HYDIN: variants seen among roughly 807,000 people sequenced by gnomAD.
HYDIN encodes axonemal central pair apparatus protein HYDIN.
HYDIN carries 132 observed loss-of-function variants against 403.9 expected under a neutral mutation model. That is an observed-to-expected ratio of 0.33 (90% CI 0.28 to 0.38). HYDIN has a LOEUF of 0.38. HYDIN is among the 10% of genes least tolerant of loss of function. The pLI is 1.00. For missense variants in HYDIN, 2,827 were observed against 5,009.5 expected, an observed-to-expected ratio of 0.56 and a Z score of 13.15; for synonymous variants, 1,202 against 1,891.7, an observed-to-expected ratio of 0.64 and a Z score of 9.46.
At chr16:70,882,991 A>G (rs2040904638) in intron 59 of HYDIN, 96 bp from the exon 60 acceptor site, 1 of 989,446 alleles carries the variant, frequency 1.0e-6, no homozygotes, top group Admixed American at 1.8e-5. Flanking sequence ...ACAAAGGAGA[A>G]TTGTGGAGGA....
intron 18 of HYDIN, among the ~76,000 whole-genome samples, chr16:71,055,852 C>G (rs2144251279): frequency 6.6e-6 from 1 of 151,934 alleles, no homozygotes; most frequent in Admixed American, 6.6e-5. Context: ...GAGCCAAGAG[C>G]AAAAAGAAAA....
At chr16:71,026,776 A>C (rs1317076200) in intron 20 of HYDIN, among the ~76,000 whole-genome samples, 4 of 152,248 alleles carry the variant, frequency 2.6e-5, no homozygotes, top group African/African-American at 7.2e-5. Context: ...GTGACCTTAG[A>C]GAAGCTAAGC....
At chr16:70,847,347 C>T (rs968782416) in intron 75 of HYDIN, among the ~76,000 whole-genome samples, 3 of 152,310 alleles carry the variant, frequency 2.0e-5, no homozygotes, top group East Asian at 1.9e-4. Context: ...TACATTTATA[C>T]TGATTTTATA....
Position 70,908,442 on chromosome 16 carries a change from T to C in HYDIN, c.8214-8A>G. ...CACCGGAAGTGATTCAGTCTGCAAA[T>C]GACCACACAGGTTTATAAAGTGAGA... On this transcript the variant is annotated splice_region_variant and splice_polypyrimidine_tract_variant and intron_variant, in intron 48 of 85. Coordinates refer to ENST00000393567, the MANE Select transcript of HYDIN (RefSeq NM_001270974.2). 6.9e-6 allele frequency: 7 copies of C among 1,019,644 alleles called. No homozygotes were observed. The highest frequency in any genetic ancestry group is 4.3e-6 in the Non-Finnish European group (3 of 703,898). 63.2% of individuals were successfully genotyped at this position (1,019,644 alleles called of 1,614,324 possible).
At chr16:70,848,109 T>A (rs8063451) in intron 75 of HYDIN, among the ~76,000 whole-genome samples, 1 of 142,852 alleles carries the variant, frequency 7.0e-6, no homozygotes, top group African/African-American at 2.6e-5. Context: ...AAATCTGCTA[T>A]TGAGCCCCTG....
At chr16:71,186,658 G>T in intron 2 of HYDIN, 103 bp downstream of exon 2, 1 of 859,464 alleles carries the variant, frequency 1.2e-6, no homozygotes, top group Non-Finnish European at 1.8e-6. Flanking sequence ...ATATTAATCA[G>T]TCAGTAATTC....
intron 19 of HYDIN, among the ~76,000 whole-genome samples, chr16:71,028,235 G>A (rs970499723): frequency 1.3e-5 from 2 of 152,032 alleles, no homozygotes; most frequent in African/African-American, 2.4e-5. Flanking sequence ...TTCAAGCTGT[G>A]CTGAGAAAAT....
chr16:70,830,390 G>C (rs2036895409), intron 80 of HYDIN, among the ~76,000 whole-genome samples: 2 of 143,190 alleles, frequency 1.4e-5, no homozygotes, highest in African/African-American at 5.5e-5. Context: ...TGAAGTGAGT[G>C]AGGGGGAGAT....
intron 10 of HYDIN, among the ~76,000 whole-genome samples, chr16:71,114,336 ATTC>A (rs1389775847): frequency 2.7e-5 from 4 of 147,628 alleles, no homozygotes; most frequent in East Asian, 2.1e-4. Flanking sequence ...CATTATTTTG[ATTC>A]TTGACTCATT....
At position 70,991,296 on chromosome 16, in the gene HYDIN, C is replaced by T. The variant is rs758062955; in HGVS notation, c.3864+22G>A. 3.1e-6 allele frequency: 5 copies of T among 1,613,656 alleles called. 1 individual carries two copies. In the South Asian group the frequency reaches 5.5e-5, roughly 18 times the overall value. On this transcript the variant is annotated intron_variant, in intron 25 of 85. Transcript: ENST00000393567. ...GAAGGACCCTTGACCTGCCTACCCT[C>T]CCCATGGAAAGGACACCGTACATCT...
intron 5 of HYDIN, among the ~76,000 whole-genome samples, chr16:71,169,982 G>T (rs2086397546): frequency 6.6e-6 from 1 of 152,170 alleles, no homozygotes; most frequent in African/African-American, 2.4e-5. Context: ...TTTAAATTGT[G>T]GTTCTCTTAC....
rs558772415 is a variant in HYDIN, at chr16:71,093,674, G to A, written c.1446+143C>T. 7.0e-3 allele frequency: 3,811 copies of A among 541,120 alleles called. 24 individuals carry two copies. Among genetic ancestry groups the A allele is most frequent in the Non-Finnish European group, 8.2e-3 (2,786 of 340,160 alleles). 33.5% of individuals were successfully genotyped at this position (541,120 alleles called of 1,614,324 possible). A position where few individuals can be genotyped will look rare whatever the true frequency, so the allele number is the denominator to read the frequency against. The stretch of plus-strand genomic sequence containing the variant: ...CCAGGCAGGAGGAGGAAGAATCTGA[G>A]CACTCCAGGGTCTCAACAAGGATGA... On this transcript the variant is annotated intron_variant, in intron 11 of 85. Transcript: ENST00000393567.
chr16:70,970,560 T>C lies in HYDIN; in HGVS notation c.5579A>G (p.Tyr1860Cys), dbSNP rs760162454. The change falls in exon 36 of 86, where the codon TAT (tyrosine) becomes TGT (cysteine). Residue 1860 changes from tyrosine to cysteine, a missense_variant. Transcript: ENST00000393567. ...ATACTGCTGATCAAATTCTAAGGAATAAAACTCAATGGGGAAGTTGCAGGG... is the reference window on the plus strand; with the variant it reads ...ATACTGCTGATCAAATTCTAAGGAACAAAACTCAATGGGGAAGTTGCAGGG... Reference protein sequence around the residue: ...KNPCNFPIEFYSLEFDQQYLI... With the variant: ...KNPCNFPIEFCSLEFDQQYLI... The C allele has an allele frequency of 2.9e-6, 4 of 1,356,754 alleles. No homozygotes were observed. Among genetic ancestry groups the C allele is most frequent in the Admixed American group, 1.8e-5 (1 of 54,472 alleles). The allele number at this position is 1,356,754 out of a possible 1,614,324, so 84.0% of individuals were successfully genotyped here. A position where few individuals can be genotyped will look rare whatever the true frequency, so the allele number is the denominator to read the frequency against.
rs367747312 is a variant in HYDIN at position 70,964,807 on chromosome 16, G to A, written c.5709C>T (p.Tyr1903=). ...ACTTCTTTATCTCTTTGAAGTACTCGTACAGTTCTGGGGGCAGCTTCTCCC... is the reference window on the plus strand; with the variant it reads ...ACTTCTTTATCTCTTTGAAGTACTCATACAGTTCTGGGGGCAGCTTCTCCC... The part of the protein sequence containing the change: ...NPGEKLPPEL[Y]EYFKEIKKSK... Residue 1903 remains tyrosine, a synonymous_variant, in exon 37 of 86, where the codon TAC becomes TAT. Transcript: ENST00000393567. 188 of 1,576,304 alleles carry A rather than the reference G, an allele frequency of 1.2e-4. No homozygotes were observed. Among genetic ancestry groups the A allele is most frequent in the African/African-American group, 5.6e-4 (42 of 74,724 alleles).
chr16:71,024,701 C>T (rs1597577075), intron 21 of HYDIN, among the ~76,000 whole-genome samples: 1 of 138,550 alleles, frequency 7.2e-6, no homozygotes, highest in African/African-American at 2.8e-5. Context: ...ATCTCCTCCA[C>T]CCCATCTCTT....
At chr16:71,158,100 C>A (rs1449085239) in intron 6 of HYDIN, among the ~76,000 whole-genome samples, 1 of 152,130 alleles carries the variant, frequency 6.6e-6, no homozygotes, top group Non-Finnish European at 1.5e-5. Context: ...TAGGAAGGCT[C>A]AGGAAGCCCC....
intron 45 of HYDIN, among the ~76,000 whole-genome samples, chr16:70,927,554 T>A (rs1334780165): frequency 6.6e-6 from 1 of 151,772 alleles, no homozygotes; most frequent in Non-Finnish European, 1.5e-5. Flanking sequence ...GCCTACAGGG[T>A]AGCCCTGCTG....
At chr16:70,905,012 G>C (rs554035403) in intron 50 of HYDIN, among the ~76,000 whole-genome samples, 1 of 152,190 alleles carries the variant, frequency 6.6e-6, no homozygotes, top group African/African-American at 2.4e-5. Flanking sequence ...AATAGTAACT[G>C]AGCGAAGCAA....
At chr16:70,810,108 T>C (rs1260951121) in intron 84 of HYDIN, 101 bp from the exon 85 acceptor site, 4 of 1,048,936 alleles carry the variant, frequency 3.8e-6, no homozygotes, top group East Asian at 2.4e-5. Context: ...GGGGCAGAAA[T>C]AGTGCACATG....
Sources: allele counts gnomAD v4.1 joint callset (sites outside exome capture counted in the v4.1 genomes callset), GRCh38; gene constraint gnomAD v4.1.1; transcripts MANE v1.5; gene names NCBI Gene and HGNC (gene_info 2026-07-23, HGNC 2026-07-21).